CHD6: variants seen among roughly 807,000 people sequenced by gnomAD.
The protein encoded by CHD6 is ATP-dependent chromatin remodeler CHD6.
A neutral mutation model predicts 276.9 loss-of-function variants in CHD6; 50 were observed. The observed-to-expected ratio is 0.18, with a 90% CI of 0.14 to 0.23. The LOEUF (loss-of-function observed/expected upper bound fraction) is 0.23. CHD6 is among the 10% of genes least tolerant of loss of function. CHD6 has a pLI of 1.00. For missense variants in CHD6, 2,564 were observed against 3,365.8 expected, an observed-to-expected ratio of 0.76 and a Z score of 5.89; for synonymous variants, 1,173 against 1,229.3, an observed-to-expected ratio of 0.95 and a Z score of 0.96.
At chr20:41,512,621 T>C (rs1480216896) in intron 5 of CHD6, among the ~76,000 whole-genome samples, 1 of 151,974 alleles carries the variant, frequency 6.6e-6, no homozygotes, top group African/African-American at 2.4e-5. Flanking sequence ...TCTAAAAAAA[T>C]GAAGAATTTG....
Position 41,548,359 on chromosome 20 carries a change from G to T in CHD6, c.33+2946C>A, listed in dbSNP as rs952732254. ...ATCCAACTGAAGCTACATAACAGCT[G>T]GCTAACATACCAAAGGTCTTAACAT... On this transcript the variant is annotated intron_variant, in intron 2 of 36. Coordinates refer to ENST00000373233, the MANE Select transcript of CHD6 (RefSeq NM_032221.5). 6.4e-4 allele frequency among the ~76,000 whole-genome samples: 97 copies of T among 152,240 alleles called. 2 individuals carry two copies. Among genetic ancestry groups the T allele is most frequent in the Admixed American group, 6.0e-3 (92 of 15,290 alleles).
At chr20:41,521,430 T>C (rs2044392300) in intron 3 of CHD6, among the ~76,000 whole-genome samples, 1 of 152,198 alleles carries the variant, frequency 6.6e-6, no homozygotes, top group Non-Finnish European at 1.5e-5. Context: ...TATGAAATGC[T>C]ATAAGGCAAG....
intron 1 of CHD6, among the ~76,000 whole-genome samples, chr20:41,589,972 A>G (rs1417412921): frequency 6.9e-6 from 1 of 145,318 alleles, no homozygotes; most frequent in Non-Finnish European, 1.5e-5. Flanking sequence ...CTATACTACA[A>G]GGCTACAGTA....
intron 2 of CHD6, among the ~76,000 whole-genome samples, chr20:41,544,550 A>G (rs1321589192): frequency 6.6e-6 from 1 of 152,066 alleles, no homozygotes; most frequent in Non-Finnish European, 1.5e-5. Context: ...TCTGTCTCAT[A>G]AATGCTAGTG....
chr20:41,425,256 T>C lies in CHD6; in HGVS notation c.4268A>G (p.Asn1423Ser). 1 of 1,614,204 alleles carries C rather than the reference T, an allele frequency of 6.2e-7. No individual in the cohort carries two copies. Among genetic ancestry groups the C allele is most frequent in the Non-Finnish European group, 8.5e-7 (1 of 1,180,048 alleles). The change falls in exon 29 of 37, where the codon AAC becomes AGC. Residue 1423 changes from asparagine (N) to serine (S), a missense_variant. By Grantham distance (46) the Asn-to-Ser change is conservative (BLOSUM62 1). Transcript: ENST00000373233. ...LCRPEILGPG[N>S]QGYWVQEEMF... is the part of the protein sequence containing the mutation. ...CTCTTCCTGAACCCAATATCCTTGG[T>C]TACCTGGTCCCAGAATTTCAGGCCG...
intron 22 of CHD6, among the ~76,000 whole-genome samples, chr20:41,451,451 C>T (rs1288161393): frequency 1.3e-5 from 2 of 152,218 alleles, no homozygotes; most frequent in Non-Finnish European, 2.9e-5. Context: ...GAGCCTTAGC[C>T]AAGGATAGGG....
At chr20:41,569,014 C>G (rs1436997811) in intron 1 of CHD6, among the ~76,000 whole-genome samples, 1 of 152,156 alleles carries the variant, frequency 6.6e-6, no homozygotes, top group East Asian at 1.9e-4. Flanking sequence ...TTCCTAGAAG[C>G]CTAAGAGGGA....
In CHD6 at chr20:41,475,964, G is replaced by A. The variant is rs143844998; in HGVS notation, c.2469-2447C>T. 5.6e-3 allele frequency among the ~76,000 whole-genome samples: 850 copies of A among 152,212 alleles called. 7 individuals carry two copies. The highest frequency in any genetic ancestry group is 0.017 in the Middle Eastern group (5 of 292). ...TGAATGGAATAATTCTCTATCACTT[G>A]TTTAGTTTTGAGGGAGTGCTCTCAA... On this transcript the variant is annotated intron_variant, in intron 16 of 36. Coordinates refer to ENST00000373233, the MANE Select transcript of CHD6 (RefSeq NM_032221.5).
At chr20:41,575,499 G>C (rs1476899863) in intron 1 of CHD6, among the ~76,000 whole-genome samples, 1 of 152,120 alleles carries the variant, frequency 6.6e-6, no homozygotes, top group South Asian at 2.1e-4. Flanking sequence ...ATACCAACTG[G>C]CTGCAACTGC....
In CHD6 at chr20:41,426,118, G is replaced by T. The variant is rs761922414; in HGVS notation, c.4104C>A (p.Ser1368Arg). 4 of 1,613,200 alleles carry T rather than the reference G, an allele frequency of 2.5e-6. No homozygotes were observed. The highest frequency in any genetic ancestry group is 3.4e-6 in the Non-Finnish European group (4 of 1,179,276). ...SSSDGGDGVF[S>R]EKKDDSRAAQ... ...CTGCCCGGCTGTCATCCTTCTTTTC[G>T]CTAAAAACGCCATCACCTCCATCAC... Residue 1368 changes from serine (S) to arginine (R), a missense_variant, in exon 28 of 37, where the codon AGC becomes AGA. By Grantham distance (110) the Ser-to-Arg change is moderately radical. Coordinates refer to ENST00000373233, the MANE Select transcript of CHD6 (RefSeq NM_032221.5).
chr20:41,543,057 T>C (rs1252558605), intron 2 of CHD6, among the ~76,000 whole-genome samples: 2 of 149,982 alleles, frequency 1.3e-5, no homozygotes, highest in Non-Finnish European at 3.0e-5. Flanking sequence ...TGAGCCAAGA[T>C]TGCGCCACTG....
At chr20:41,415,133 G>C in intron 34 of CHD6, 53 bp downstream of exon 34, 4 of 1,523,262 alleles carry the variant, frequency 2.6e-6, no homozygotes, top group African/African-American at 1.4e-5. Flanking sequence ...AGAAGGGTTT[G>C]TTTCTCAGTG....
chr20:41,503,508 T>G (rs945564680), intron 5 of CHD6, among the ~76,000 whole-genome samples: 1 of 152,142 alleles, frequency 6.6e-6, no homozygotes, highest in Non-Finnish European at 1.5e-5. Context: ...ACTCTCAAAT[T>G]CAGGAGAATG....
intron 1 of CHD6, among the ~76,000 whole-genome samples, chr20:41,553,785 T>C (rs1258064363): frequency 6.6e-6 from 1 of 152,252 alleles, no homozygotes; most frequent in Non-Finnish European, 1.5e-5. Context: ...GCACTGATTA[T>C]TTCTAACAAT....
intron 1 of CHD6, among the ~76,000 whole-genome samples, chr20:41,595,922 G>A (rs558203254): frequency 1.3e-5 from 2 of 151,824 alleles, no homozygotes; most frequent in African/African-American, 2.4e-5. Flanking sequence ...TGGCGGCAGG[G>A]GCCTGTCCTC....
chr20:41,514,610 T>C (rs1375956531), intron 4 of CHD6, among the ~76,000 whole-genome samples, 195 bp downstream of exon 4: 1 of 152,074 alleles, frequency 6.6e-6, no homozygotes, highest in Non-Finnish European at 1.5e-5. Flanking sequence ...ACTAAAAAAC[T>C]GGGATATCAT....
Position 41,497,172 on chromosome 20 carries a change from T to C in CHD6, c.1092+212A>G, listed in dbSNP as rs113496035. The C allele has an allele frequency of 4.5e-5, 24 of 530,378 alleles. 2 individuals are homozygous for C. The highest frequency in any genetic ancestry group is 3.1e-4 in the African/African-American group (16 of 52,360). The allele number at this position is 530,378 out of a possible 1,614,324, so 32.9% of individuals were successfully genotyped here. A position where few individuals can be genotyped will look rare whatever the true frequency, so the allele number is the denominator to read the frequency against. On this transcript the variant is annotated intron_variant, in intron 8 of 36. Transcript: ENST00000373233. ...AGACCAAGATGCACGCCGTTATGAG[T>C]TGTCAGTTTATAAGGTTTGATCCTT...
At position 41,440,347 on chromosome 20, in the gene CHD6, C is replaced by G. The variant is rs117342971; in HGVS notation, c.3878-218G>C. On this transcript the variant is annotated intron_variant, in intron 25 of 36. Transcript: ENST00000373233. ...TGTTTGACCAACAAACAATGGCTTACGGAAATACTCAGTGTCCGTGAAAAG... is the reference window on the plus strand; with the variant it reads ...TGTTTGACCAACAAACAATGGCTTAGGGAAATACTCAGTGTCCGTGAAAAG... 1.4e-3 allele frequency among the ~76,000 whole-genome samples: 217 copies of G among 152,274 alleles called. 1 individual carries two copies. Among genetic ancestry groups the G allele is most frequent in the Middle Eastern group, 6.8e-3 (2 of 294 alleles).
At chr20:41,424,575 C>A (rs1437471421) in intron 29 of CHD6, among the ~76,000 whole-genome samples, 1 of 152,166 alleles carries the variant, frequency 6.6e-6, no homozygotes, top group African/African-American at 2.4e-5. Context: ...ATTTGTTATG[C>A]AGTCTTCTTT....
Sources: gnomAD v4.1 joint callset for allele counts (sites outside exome capture counted in the v4.1 genomes callset) on GRCh38, gnomAD v4.1.1 for gene constraint, MANE v1.5 for transcripts, NCBI Gene and HGNC (gene_info 2026-07-23, HGNC 2026-07-21) for gene names.